The following MRI1 variants were observed in gnomAD, a reference collection of about 807,000 sequenced individuals.
MRI1 encodes the protein methylthioribose-1-phosphate isomerase 1, also known as methylthioribose-1-phosphate isomerase.
Under a neutral mutation model 27.3 loss-of-function variants are expected in MRI1, and 32 were observed. The ratio of observed to expected loss-of-function variants is 1.17; its 90% CI spans 0.88 to 1.57. The LOEUF is 1.57. Ranked by LOEUF, MRI1 falls within the 40% of genes most tolerant of loss-of-function variation. The pLI is 0.00. For synonymous variants in MRI1, 216 were observed against 227.4 expected, an observed-to-expected ratio of 0.95 and a Z score of 0.45; for missense variants, 508 against 516.1, an observed-to-expected ratio of 0.98 and a Z score of 0.15.
chr19:13,770,013 CTGGT>C, intron 5 of MRI1, among the ~76,000 whole-genome samples: 1 of 152,142 alleles, frequency 6.6e-6, no homozygotes, highest in South Asian at 2.1e-4. Context: ...GTTCCCCAGG[CTGGT>C]CTCAAACTCC....
chr19:13,769,010 A>G lies in MRI1; in HGVS notation c.911A>G (p.Glu304Gly). Residue 304 changes from glutamate to glycine, a missense_variant, in exon 5 of 6, where the codon GAG becomes GGG. Around this residue, in one of 3 missense-constraint regions of MRI1, gnomAD observed 457 missense variants for 452.8 expected, o/e 1.01. Transcript: ENST00000040663. ...ATTATTGAAGAGCGACCGGGCCAGG[A>G]GCTGACCGATGTTAATGGGGTCCGG... ...EIIIEERPGQ[E>G]LTDVNGVRIA... 6.2e-7 allele frequency: 1 copy of G among 1,613,648 alleles called. No homozygotes were observed. The highest frequency in any genetic ancestry group is 8.5e-7 in the Non-Finnish European group (1 of 1,179,854).
intron 5 of MRI1, among the ~76,000 whole-genome samples, chr19:13,771,178 T>C (rs1302694230): frequency 3.4e-5 from 5 of 146,590 alleles, no homozygotes; most frequent in Admixed American, 1.4e-4. Context: ...GCCAATGTGG[T>C]GAAACCCCGT....
intron 5 of MRI1, among the ~76,000 whole-genome samples, chr19:13,770,501 T>G (rs1443362162): frequency 1.3e-5 from 2 of 151,586 alleles, no homozygotes; most frequent in East Asian, 3.9e-4. Context: ...GCATGAGAAT[T>G]GCTTGAACCT....
In MRI1 at chr19:13,772,838, ATAAT is replaced by A. The variant is rs1164962443; in HGVS notation, c.*568_*571del. The stretch of plus-strand genomic sequence containing the variant: ...GCGAGACTCCGTCTCAAAAATAAAT[ATAAT>A]TAATTAATTATTTAATTAAAAAAAT... On this transcript the variant is annotated 3_prime_UTR_variant, in exon 6 of 6. Coordinates refer to ENST00000040663, the MANE Select transcript of MRI1 (RefSeq NM_001031727.4). 7.2e-5 allele frequency: 11 copies of A among 151,872 alleles called. No individual in the cohort carries two copies. The highest frequency in any genetic ancestry group is 1.9e-4 in the East Asian group (1 of 5,180). 9.4% of individuals were successfully genotyped at this position (151,872 alleles called of 1,614,324 possible).
chr19:13,772,428 T>A lies in MRI1; in HGVS notation c.*147T>A. ...GGCCTTCCATCTAGAGCCCAGCACCTAGAGCCAGGCTGCCCAGATTCAAAT... is the reference window on the plus strand; with the variant it reads ...GGCCTTCCATCTAGAGCCCAGCACCAAGAGCCAGGCTGCCCAGATTCAAAT... On this transcript the variant is annotated 3_prime_UTR_variant, in exon 6 of 6. Coordinates refer to ENST00000040663, the MANE Select transcript of MRI1 (RefSeq NM_001031727.4). 1 of 704,042 alleles carries A rather than the reference T, an allele frequency of 1.4e-6. No homozygotes were observed. Among genetic ancestry groups the A allele is most frequent in the African/African-American group, 1.8e-5 (1 of 54,788 alleles). The allele number at this position is 704,042 out of a possible 1,614,324, so 43.6% of individuals were successfully genotyped here.
rs147080537 is a variant in MRI1, at chr19:13,770,232, A to T, written c.949+1184A>T. ...GCTATGGCTAGAACCTGCTGCATAAACCCAAGGGCGGTCAGTGAATTAACC... is the reference window on the plus strand; with the variant it reads ...GCTATGGCTAGAACCTGCTGCATAATCCCAAGGGCGGTCAGTGAATTAACC... On this transcript the variant is annotated intron_variant, in intron 5 of 5. Transcript: ENST00000040663. 1.4e-4 allele frequency among the ~76,000 whole-genome samples: 22 copies of T among 152,228 alleles called. No homozygotes were observed. In the East Asian group the frequency reaches 4.2e-3, roughly 29 times the overall value.
chr19:13,766,174 T>C (rs751856817), intron 3 of MRI1, 45 bp downstream of exon 3: 12 of 1,465,260 alleles, frequency 8.2e-6, no homozygotes, highest in Non-Finnish European at 1.1e-5. Context: ...TTCTAGGAAC[T>C]TTTTTAGATA....
At chr19:13,771,967 G>A (rs1248246914) in intron 5 of MRI1, among the ~76,000 whole-genome samples, 154 bp from the exon 6 acceptor site, 2 of 152,156 alleles carry the variant, frequency 1.3e-5, no homozygotes, top group African/African-American at 4.8e-5. Flanking sequence ...TGAGTACAAT[G>A]TCCATGCCTG....
At chr19:13,766,860 G>A (rs1467742106) in intron 3 of MRI1, among the ~76,000 whole-genome samples, 1 of 151,570 alleles carries the variant, frequency 6.6e-6, no homozygotes, top group Admixed American at 6.6e-5. Flanking sequence ...GGAAGCAGAA[G>A]GAACAGTCAA....
intron 3 of MRI1, among the ~76,000 whole-genome samples, chr19:13,766,724 CCT>C (rs1568307895): frequency 6.6e-6 from 1 of 152,058 alleles, no homozygotes; most frequent in Non-Finnish European, 1.5e-5. Flanking sequence ...AATGGAAAGA[CCT>C]CTGCCTTTGA....
intron 3 of MRI1, among the ~76,000 whole-genome samples, chr19:13,767,204 G>A (rs1042285494): frequency 4.6e-5 from 7 of 150,970 alleles, no homozygotes; most frequent in Non-Finnish European, 8.9e-5. Flanking sequence ...GAGCCACTAC[G>A]CCCAGCTAAT....
rs1460561368 is a variant in MRI1, at chr19:13,769,058, C to T, written c.949+10C>T. 4 of 1,593,958 alleles carry T rather than the reference C, an allele frequency of 2.5e-6. No individual in the cohort carries two copies. Among genetic ancestry groups the T allele is most frequent in the South Asian group, 2.2e-5 (2 of 89,404 alleles). On this transcript the variant is annotated intron_variant, in intron 5 of 5. Coordinates refer to ENST00000040663, the MANE Select transcript of MRI1 (RefSeq NM_001031727.4). ...CGGATTGCAGCACCTGGTAAGCTGC[C>T]CCCTCAGAAAGGGGACACCCCAGCT...
intron 3 of MRI1, 92 bp from the exon 4 acceptor site, chr19:13,768,469 C>T (rs771424740): frequency 1.5e-5 from 24 of 1,581,440 alleles, no homozygotes; most frequent in Non-Finnish European, 2.1e-5. Context: ...GCAATCCACG[C>T]CCAGACTAGG....
chr19:13,766,919 C>G (rs1974136779), intron 3 of MRI1, among the ~76,000 whole-genome samples: 1 of 149,436 alleles, frequency 6.7e-6, no homozygotes, highest in Admixed American at 6.7e-5. Context: ...GGGACTGGTT[C>G]CAGGACCTCC....
intron 5 of MRI1, 150 bp downstream of exon 5, chr19:13,769,198 C>A: frequency 1.4e-6 from 1 of 704,670 alleles, no homozygotes; most frequent in Non-Finnish European, 2.3e-6. Context: ...GAGTCTTGCT[C>A]TGTCCCTCAG....
intron 3 of MRI1, among the ~76,000 whole-genome samples, chr19:13,767,496 T>C (rs1974163369): frequency 6.6e-6 from 1 of 152,032 alleles, no homozygotes; most frequent in Non-Finnish European, 1.5e-5. Flanking sequence ...ACTCAGAAGT[T>C]CTAGACCAGC....
In MRI1 at chr19:13,765,014, C is replaced by T. The variant is rs1437090776; in HGVS notation, c.276C>T (p.Thr92=). 16 of 1,526,346 alleles carry T rather than the reference C, an allele frequency of 1.0e-5. 1 individual carries two copies. The South Asian group carries it at 1.1e-4, about 10-fold the overall frequency. The allele number at this position is 1,526,346 out of a possible 1,614,324, so 94.6% of individuals were successfully genotyped here. A position where few individuals can be genotyped will look rare whatever the true frequency, so the allele number is the denominator to read the frequency against. ...KLSFLVTARP[T]AVNMARAARD... ...GCTTCCTCGTCACCGCCCGGCCCACCGCTGTCAACATGGCCCGCGCCGCCC... is the reference window on the plus strand; with the variant it reads ...GCTTCCTCGTCACCGCCCGGCCCACTGCTGTCAACATGGCCCGCGCCGCCC... Residue 92 remains threonine (T), a synonymous_variant, in exon 2 of 6, where the codon ACC becomes ACT. Coordinates refer to ENST00000040663, the MANE Select transcript of MRI1 (RefSeq NM_001031727.4).
intron 5 of MRI1, among the ~76,000 whole-genome samples, chr19:13,769,647 C>G (rs996309858): frequency 3.9e-5 from 6 of 152,040 alleles, no homozygotes; most frequent in African/African-American, 1.4e-4. Context: ...GACGGCCAGG[C>G]GAGGTGGCTC....
At position 13,774,218 on chromosome 19, in the gene MRI1, T is replaced by C; in HGVS notation, c.*1937T>C. 2.2e-6 allele frequency: 1 copy of C among 445,076 alleles called. No individual in the cohort carries two copies. The highest frequency in any genetic ancestry group is 4.0e-6 in the Non-Finnish European group (1 of 247,102). The allele number at this position is 445,076 out of a possible 1,614,324, so 27.6% of individuals were successfully genotyped here. ...TAGTCTGAGTTTTTATGTGTAAAGA[T>C]CATAAAACGTTGTAAGTTTTCTAAA... On this transcript the variant is annotated 3_prime_UTR_variant, in exon 6 of 6. Transcript: ENST00000040663.
Sources: gnomAD v4.1 joint callset for allele counts (sites outside exome capture counted in the v4.1 genomes callset) on GRCh38, gnomAD v4.1.1 for gene constraint, gnomAD v4.1.1 regional missense constraint, MANE v1.5 for transcripts, NCBI Gene and HGNC (gene_info 2026-07-23, HGNC 2026-07-21) for gene names.